Variants in PLCB3 observed in about 807,000 individuals in gnomAD.
The protein encoded by PLCB3 is phospholipase C beta 3.
Under a neutral mutation model 152.1 loss-of-function variants are expected in PLCB3, and 54 were observed. That is an observed-to-expected ratio of 0.36 (90% CI 0.29 to 0.45). The LOEUF (loss-of-function observed/expected upper bound fraction) is 0.45. Ranked by LOEUF, PLCB3 falls within the 20% of genes least tolerant of loss-of-function variation. PLCB3 has a pLI of 1.00. For missense variants in PLCB3, 1,248 were observed against 1,687.5 expected (o/e 0.74, Z 4.56); for synonymous variants, 717 against 698.7 (o/e 1.03, Z -0.41).
Position 64,251,660 on chromosome 11 carries a change from C to G in PLCB3, c.11C>G (p.Ala4Gly), listed in dbSNP as rs1382051563. ...GCCCCTGGCCGGGCCATGGCGGGCG[C>G]CCAGCCCGGCGTCCACGCGCTGCAG... is the stretch of plus-strand genomic sequence containing the variant. MAG[A>G]QPGVHALQLE... is the part of the protein sequence containing the mutation. Residue 4 changes from alanine (A) to glycine (G), a missense_variant, in exon 1 of 31, where the codon GCC (alanine) becomes GGC (glycine). Physicochemically the swap from Ala to Gly is moderately conservative, Grantham distance 60. Transcript: ENST00000279230. 8 of 1,469,236 alleles carry G rather than the reference C, an allele frequency of 5.4e-6. No homozygotes were observed. The highest frequency in any genetic ancestry group is 7.2e-6 in the Non-Finnish European group (8 of 1,106,962). 91.0% of individuals were successfully genotyped at this position (1,469,236 alleles called of 1,614,324 possible).
chr11:64,252,631 C>G (rs941057048), intron 1 of PLCB3, among the ~76,000 whole-genome samples: 1 of 152,056 alleles, frequency 6.6e-6, no homozygotes, highest in Non-Finnish European at 1.5e-5. Context: ...GGCGTGGGAG[C>G]TGGGGGGAGG....
rs28395881 is a variant in PLCB3, at chr11:64,254,373, A to T, written c.100-42A>T. On this transcript the variant is annotated intron_variant, in intron 1 of 30. Transcript: ENST00000279230. ...GCCCCAGGGGCCAGGCCTGCACCACAGCCCTCACTTCCTGACCCCTGCTGC... is the reference window on the plus strand; with the variant it reads ...GCCCCAGGGGCCAGGCCTGCACCACTGCCCTCACTTCCTGACCCCTGCTGC... The T allele has an allele frequency of 3.4e-3, 5,142 of 1,533,890 alleles. 144 individuals carry two copies. In the African/African-American group the frequency reaches 0.062, roughly 18 times the overall value.
chr11:64,268,627 C>T (rs1303572203), downstream of PLCB3: 1 of 152,364 alleles, frequency 6.6e-6, no homozygotes, highest in Non-Finnish European at 1.5e-5. Context: ...CCAGCCTGGA[C>T]CTGTCCCATG....
Position 64,254,734 on chromosome 11 carries a change from CT to C in PLCB3, c.178-13del. On this transcript the variant is annotated splice_polypyrimidine_tract_variant and intron_variant, in intron 2 of 30. Coordinates refer to ENST00000279230, the MANE Select transcript of PLCB3 (RefSeq NM_000932.5). The stretch of plus-strand genomic sequence containing the variant: ...CAGCCTCTCATACTCAGCCTGGCAT[CT>C]GGTTCCCCCCAGGAGGTGGACACAC... 6 of 1,612,086 alleles carry C rather than the reference CT, an allele frequency of 3.7e-6. No individual in the cohort carries two copies. The highest frequency in any genetic ancestry group is 5.1e-6 in the Non-Finnish European group (6 of 1,179,620).
At chr11:64,259,313 AC>A in intron 13 of PLCB3, 69 bp downstream of exon 13, 1 of 1,270,750 alleles carries the variant, frequency 7.9e-7, no homozygotes, top group Non-Finnish European at 1.1e-6. Context: ...AGGCGCCGTG[AC>A]ACTTCATCCC....
Position 64,255,962 on chromosome 11 carries a change from C to T in PLCB3, c.698+141C>T. The stretch of plus-strand genomic sequence containing the variant: ...GGGGCGGAGGGGTGCCCAGGGAGAA[C>T]CTGTCGGTGATGTTCCTGTACTCAG... On this transcript the variant is annotated intron_variant, in intron 8 of 30. Coordinates refer to ENST00000279230, the MANE Select transcript of PLCB3 (RefSeq NM_000932.5). This position sits in a 1 kb window ranked among gnomAD's most constrained non-coding sequence, Gnocchi z 6.8. 4 of 668,866 alleles carry T rather than the reference C, an allele frequency of 6.0e-6. No individual in the cohort carries two copies. The highest frequency in any genetic ancestry group is 2.3e-5 in the Admixed American group (1 of 44,038). 41.4% of individuals were successfully genotyped at this position (668,866 alleles called of 1,614,324 possible).
At chr11:64,262,300 CCT>C in intron 17 of PLCB3, 105 bp from the exon 18 acceptor site, 6 of 1,433,910 alleles carry the variant, frequency 4.2e-6, no homozygotes, top group Non-Finnish European at 5.8e-6. Context: ...TGAGCCCGCC[CCT>C]GACCCTGGAC....
At position 64,255,084 on chromosome 11, in the gene PLCB3, T is replaced by G; in HGVS notation, c.387+46T>G. The G allele has an allele frequency of 6.4e-7, 1 of 1,574,642 alleles. No homozygotes were observed. The highest frequency in any genetic ancestry group is 8.7e-7 in the Non-Finnish European group (1 of 1,153,306). Reference sequence around the variant, plus strand: ...CGAAGGGGGAGTCACTGTCTTATTCTGTGAGTCGGCCGTCACTTACCGAAC... The same window carrying G: ...CGAAGGGGGAGTCACTGTCTTATTCGGTGAGTCGGCCGTCACTTACCGAAC... On this transcript the variant is annotated intron_variant, in intron 4 of 30. Transcript: ENST00000279230. The surrounding 1 kb of genome is among the most constrained non-coding windows in gnomAD (Gnocchi z 6.8).
At position 64,266,243 on chromosome 11, in the gene PLCB3, C is replaced by G. The variant is rs1170877920; in HGVS notation, c.3266+41C>G. On this transcript the variant is annotated intron_variant, in intron 27 of 30. Coordinates refer to ENST00000279230, the MANE Select transcript of PLCB3 (RefSeq NM_000932.5). The surrounding 1 kb of genome is among the most constrained non-coding windows in gnomAD (Gnocchi z 4.9). ...TGTCTATGGGAAGGGCTGGGGACTT[C>G]TAGTACCAGAAGGAGGGCAGAGTCT... is the stretch of plus-strand genomic sequence containing the variant. 1.2e-6 allele frequency: 2 copies of G among 1,613,670 alleles called. No individual in the cohort carries two copies. The highest frequency in any genetic ancestry group is 1.7e-6 in the Non-Finnish European group (2 of 1,179,892).
chr11:64,255,929 A>C lies in PLCB3; in HGVS notation c.698+108A>C. The C allele has an allele frequency of 1.1e-6, 1 of 877,574 alleles. No individual in the cohort carries two copies. The highest frequency in any genetic ancestry group is 1.9e-6 in the Non-Finnish European group (1 of 529,768). The allele number at this position is 877,574 out of a possible 1,614,324, so 54.4% of individuals were successfully genotyped here. ...GGGAAACTGGTGGGCCGGGTCCTGG[A>C]GCGCCAGGGGGCGGAGGGGTGCCCA... On this transcript the variant is annotated intron_variant, in intron 8 of 30. Coordinates refer to ENST00000279230, the MANE Select transcript of PLCB3 (RefSeq NM_000932.5). This position sits in a 1 kb window ranked among gnomAD's most constrained non-coding sequence, Gnocchi z 6.8.
At position 64,265,305 on chromosome 11, in the gene PLCB3, C is replaced by G. The variant is rs1278381901; in HGVS notation, c.2843-5C>G. On this transcript the variant is annotated splice_polypyrimidine_tract_variant and splice_region_variant and intron_variant, in intron 24 of 30. Coordinates refer to ENST00000279230, the MANE Select transcript of PLCB3 (RefSeq NM_000932.5). ...CCCCGCCCACCTTTGCTCTGCCGCT[C>G]CCAGAGGTGGCCCCCACCCCGCTGG... 7.9e-7 allele frequency: 1 copy of G among 1,267,740 alleles called. No homozygotes were observed. The allele number at this position is 1,267,740 out of a possible 1,614,324, so 78.5% of individuals were successfully genotyped here.
In PLCB3 at chr11:64,265,077, C is replaced by G. The variant is rs1477295630; in HGVS notation, c.2779C>G (p.Pro927Ala). 2 of 1,544,926 alleles carry G rather than the reference C, an allele frequency of 1.3e-6. No individual in the cohort carries two copies. The highest frequency in any genetic ancestry group is 3.9e-5 in the Admixed American group (2 of 51,266). The change falls in exon 23 of 31, where the codon CCT (proline) becomes GCT (alanine). Residue 927 changes from proline to alanine, a missense_variant. This residue lies in a region of PLCB3 where 477 missense variants were observed against 489.6 expected (regional missense o/e 0.97). Transcript: ENST00000279230. ...PRRPPGPTTS[P>A]ASTSLSSPGQ... ...CCGGCCCCCTGGCCCCACCACCTCC[C>G]CTGCCAGCACCTCCCTCAGCAGCCC... is the stretch of plus-strand genomic sequence containing the variant.
At chr11:64,256,997 C>CTTTTTTCTTTTTT (rs2031567509) in intron 10 of PLCB3, among the ~76,000 whole-genome samples, 1 of 61,560 alleles carries the variant, frequency 1.6e-5, no homozygotes, top group Non-Finnish European at 2.9e-5. Context: ...CTTCAGGGTC[C>CTTTTTTCTTTTTT]TTTTTTTTTT....
At chr11:64,253,068 G>C (rs1185799080) in intron 1 of PLCB3, among the ~76,000 whole-genome samples, 2 of 152,220 alleles carry the variant, frequency 1.3e-5, no homozygotes, top group South Asian at 4.1e-4. Flanking sequence ...TCTGTTCCCA[G>C]ATGAACGCCC....
rs955852602 is a variant in PLCB3 at position 64,255,920 on chromosome 11, G to T, written c.698+99G>T. On this transcript the variant is annotated intron_variant, in intron 8 of 30. Transcript: ENST00000279230. The surrounding 1 kb of genome is among the most constrained non-coding windows in gnomAD (Gnocchi z 6.8). ...TGGGGAGAGGGGAAACTGGTGGGCC[G>T]GGTCCTGGAGCGCCAGGGGGCGGAG... 5 of 943,180 alleles carry T rather than the reference G, an allele frequency of 5.3e-6. No homozygotes were observed. The Admixed American group carries it at 8.9e-5, about 17-fold the overall frequency. 58.4% of individuals were successfully genotyped at this position (943,180 alleles called of 1,614,324 possible). A position where few individuals can be genotyped will look rare whatever the true frequency, so the allele number is the denominator to read the frequency against.
chr11:64,256,078 A>T (rs184655059), intron 8 of PLCB3, among the ~76,000 whole-genome samples: 89 of 152,238 alleles, frequency 5.8e-4, no homozygotes, highest in African/African-American at 2.1e-3. Context: ...ATGGGGTCCA[A>T]GCCTCAGGTG....
rs774110238 is a variant in PLCB3 at position 64,263,532 on chromosome 11, C to T, written c.2390C>T (p.Ala797Val). The T allele has an allele frequency of 3.8e-6, 6 of 1,582,794 alleles. No homozygotes were observed. Among genetic ancestry groups the T allele is most frequent in the Non-Finnish European group, 5.2e-6 (6 of 1,164,744 alleles). ...CCCACGCTGGCTTCACTTCGCATTG[C>T]AGCCTTTGAGGAGGGGGGTAAATTC... The part of the protein sequence containing the change: ...VLPTLASLRI[A>V]AFEEGGKFVG... Residue 797 changes from alanine to valine, a missense_variant, in exon 20 of 31, where the codon GCA (alanine) becomes GTA (valine). Physicochemically the swap from Ala to Val is moderately conservative, Grantham distance 64. This residue lies in a region of PLCB3 where 244 missense variants were observed against 424.4 expected (regional missense o/e 0.57). Transcript: ENST00000279230.
downstream of PLCB3, chr11:64,269,200 C>A (rs538744541): frequency 6.6e-6 from 1 of 152,514 alleles, no homozygotes; most frequent in African/African-American, 2.4e-5. Flanking sequence ...CTCCTCCTTG[C>A]GCCGGGGGGG....
Position 64,263,489 on chromosome 11 carries a change from G to C in PLCB3, c.2356-9G>C. The C allele has an allele frequency of 6.5e-7, 1 of 1,541,444 alleles. No individual in the cohort carries two copies. Among genetic ancestry groups the C allele is most frequent in the Non-Finnish European group, 8.8e-7 (1 of 1,139,902 alleles). On this transcript the variant is annotated splice_polypyrimidine_tract_variant and intron_variant, in intron 19 of 30. Transcript: ENST00000279230. ...CAGCCCTGTGGCTCAGCTCCAGTCTGGCCCACAGGTGGTGCTGCCCACGCT... is the reference window on the plus strand; with the variant it reads ...CAGCCCTGTGGCTCAGCTCCAGTCTCGCCCACAGGTGGTGCTGCCCACGCT...
Sources: allele counts gnomAD v4.1 joint callset (sites outside exome capture counted in the v4.1 genomes callset), GRCh38; gene constraint gnomAD v4.1.1; regional missense constraint gnomAD v4.1.1; non-coding constraint Gnocchi (gnomAD v3.1); transcripts MANE v1.5; gene names NCBI Gene and HGNC (gene_info 2026-07-23, HGNC 2026-07-21).